The following SLC16A2 variants were observed in gnomAD, a reference collection of about 807,000 sequenced individuals.
SLC16A2 encodes the protein solute carrier family 16 member 2, also known as monocarboxylate transporter 8.
Under a neutral mutation model 27.2 loss-of-function variants are expected in SLC16A2, and 3 were observed. The ratio of observed to expected loss-of-function variants is 0.11; its 90% CI spans 0.05 to 0.28. SLC16A2 has a LOEUF of 0.28. SLC16A2 is among the 10% of genes least tolerant of loss of function. SLC16A2 has a pLI of 1.00. For missense variants in SLC16A2, 295 were observed against 458.5 expected (o/e 0.64, Z 3.26); for synonymous variants, 202 against 187.8 (o/e 1.08, Z -0.62).
intron 1 of SLC16A2, among the ~76,000 whole-genome samples, chrX:74,517,376 C>T (rs1930332853): frequency 8.9e-6 from 1 of 111,786 alleles, no homozygotes; most frequent in Non-Finnish European, 1.9e-5. Context: ...GAATAATCAT[C>T]AGTTTTCATT....
chrX:74,513,921 G>T (rs1930273614), intron 1 of SLC16A2, among the ~76,000 whole-genome samples: 1 of 112,026 alleles, frequency 8.9e-6, no homozygotes. Context: ...GAATGCCTAT[G>T]GGATAGACAT....
chrX:74,498,869 C>T (rs1053638808), intron 1 of SLC16A2, among the ~76,000 whole-genome samples: 1 of 111,683 alleles, frequency 9.0e-6, no homozygotes, highest in Admixed American at 9.5e-5. Context: ...CCCTCCTCCA[C>T]TGACTCTTCA....
At chrX:74,501,630 A>G (rs1240511474) in intron 1 of SLC16A2, among the ~76,000 whole-genome samples, 1 of 111,276 alleles carries the variant, frequency 9.0e-6, no homozygotes, top group Non-Finnish European at 1.9e-5. Context: ...CATGGACACC[A>G]TTAGCCAAAG....
chrX:74,501,080 A>G (rs1930023596), intron 1 of SLC16A2, among the ~76,000 whole-genome samples: 1 of 108,946 alleles, frequency 9.2e-6, no homozygotes, highest in Admixed American at 9.8e-5. Flanking sequence ...GCACCAACCT[A>G]TATTGTTTCA....
At chrX:74,459,761 C>G (rs994585356) in intron 1 of SLC16A2, among the ~76,000 whole-genome samples, 2 of 111,477 alleles carry the variant, frequency 1.8e-5, no homozygotes, top group African/African-American at 6.5e-5. Flanking sequence ...ACCTCCTTGG[C>G]CATTCTCCAG....
intron 1 of SLC16A2, among the ~76,000 whole-genome samples, chrX:74,437,876 G>A (rs752258592): frequency 8.9e-6 from 1 of 111,834 alleles, no homozygotes; most frequent in East Asian, 2.8e-4. Flanking sequence ...ATGGGCTCCA[G>A]CATATCACTT....
chrX:74,440,382 A>G (rs1928719968), intron 1 of SLC16A2, among the ~76,000 whole-genome samples: 1 of 111,115 alleles, frequency 9.0e-6, no homozygotes, highest in Non-Finnish European at 1.9e-5. Context: ...ATGTCTTTAA[A>G]AAAGGTGTGT....
At chrX:74,439,054 G>C (rs1928675337) in intron 1 of SLC16A2, among the ~76,000 whole-genome samples, 1 of 110,959 alleles carries the variant, frequency 9.0e-6, no homozygotes, top group Admixed American at 9.6e-5. Context: ...AAAGAAATTG[G>C]GCAGCGTGCC....
intron 1 of SLC16A2, among the ~76,000 whole-genome samples, chrX:74,454,692 C>T (rs1051010629): frequency 1.8e-5 from 2 of 109,914 alleles, no homozygotes; most frequent in African/African-American, 6.6e-5. Flanking sequence ...CAAACCTGCA[C>T]GTTGTGCACA....
chrX:74,502,343 G>T (rs1467630114), intron 1 of SLC16A2, among the ~76,000 whole-genome samples: 1 of 110,145 alleles, frequency 9.1e-6, no homozygotes, highest in Non-Finnish European at 1.9e-5. Context: ...GGCAGCTTCA[G>T]TCCTGCCTCC....
chrX:74,451,698 G>T (rs1035103900), intron 1 of SLC16A2, among the ~76,000 whole-genome samples: 13 of 112,929 alleles, frequency 1.2e-4, no homozygotes, highest in Non-Finnish European at 9.4e-5. Context: ...CAAGAAGGAA[G>T]TGTGTACATG....
chrX:74,495,718 T>C (rs1929921247), intron 1 of SLC16A2, among the ~76,000 whole-genome samples: 3 of 111,027 alleles, frequency 2.7e-5, no homozygotes, highest in Non-Finnish European at 5.7e-5. Context: ...CATACATTCC[T>C]TGGTAAATGG....
chrX:74,456,805 G>C (rs962690075), intron 1 of SLC16A2, among the ~76,000 whole-genome samples: 4 of 111,690 alleles, frequency 3.6e-5, no homozygotes, highest in Non-Finnish European at 7.5e-5. Flanking sequence ...GGTCCCTTCT[G>C]TCCGGTAAAT....
chrX:74,455,838 A>G (rs1199034650), intron 1 of SLC16A2, among the ~76,000 whole-genome samples: 1 of 111,632 alleles, frequency 9.0e-6, no homozygotes, highest in Non-Finnish European at 1.9e-5. Flanking sequence ...ACCTATTCAC[A>G]AAGTCCATGA....
chrX:74,455,142 A>G (rs368891283), intron 1 of SLC16A2, among the ~76,000 whole-genome samples: 3 of 111,925 alleles, frequency 2.7e-5, no homozygotes, highest in African/African-American at 9.7e-5. Context: ...ATAACATAGT[A>G]TGTGTTGCAT....
chrX:74,428,024 T>C (rs769704852), intron 1 of SLC16A2, among the ~76,000 whole-genome samples: 2 of 111,030 alleles, frequency 1.8e-5, no homozygotes, highest in South Asian at 7.8e-4. Context: ...CCAGCCTGGA[T>C]TGTACCTCTT....
chrX:74,510,152 A>C (rs1228355387), intron 1 of SLC16A2, among the ~76,000 whole-genome samples: 4 of 111,642 alleles, frequency 3.6e-5, no homozygotes. Context: ...TTTCATTTTT[A>C]ACATCTTGCA....
At chrX:74,511,481 G>A (rs1459295901) in intron 1 of SLC16A2, among the ~76,000 whole-genome samples, 1 of 112,258 alleles carries the variant, frequency 8.9e-6, no homozygotes, top group African/African-American at 3.2e-5. Flanking sequence ...GCACCCGGCC[G>A]CGATTTGTTT....
rs749158533 is a variant in SLC16A2 at position 74,529,166 on chromosome X, G to T, written c.1171-47G>T. 1.5e-5 allele frequency: 14 copies of T among 938,171 alleles called. No individual in the cohort carries two copies. In the East Asian group the frequency reaches 4.4e-4, roughly 29 times the overall value. The allele number at this position is 938,171 out of a possible 1,213,427, so 77.3% of individuals were successfully genotyped here. A position where few individuals can be genotyped will look rare whatever the true frequency, so the allele number is the denominator to read the frequency against. On this transcript the variant is annotated intron_variant, in intron 4 of 5. Coordinates refer to ENST00000587091, the MANE Select transcript of SLC16A2 (RefSeq NM_006517.5). ...GAGAAAGGAGATGTGATGCTATGTG[G>T]TCTTGGCTGGCCAGCACAACCTGAC...
Sources: allele counts gnomAD v4.1 joint callset (sites outside exome capture counted in the v4.1 genomes callset), GRCh38; gene constraint gnomAD v4.1.1; transcripts MANE v1.5; gene names NCBI Gene and HGNC (gene_info 2026-07-23, HGNC 2026-07-21).